Variants in ASB3 observed in about 807,000 individuals in gnomAD.
The protein encoded by ASB3 is ankyrin repeat and SOCS box protein 3.
ASB3 carries 41 observed loss-of-function variants against 54.5 expected under a neutral mutation model. The observed-to-expected ratio is 0.75, with a 90% CI of 0.59 to 0.98. ASB3 has a LOEUF of 0.98. Among genes scored for constraint, ASB3 ranks in the 50% least tolerant of loss-of-function variants. The probability of loss-of-function intolerance (pLI) is 0.00; values close to 1 mark genes in which losing one functional copy is unlikely to be tolerated. For synonymous variants in ASB3, 266 were observed against 221.2 expected, an observed-to-expected ratio of 1.20 and a Z score of -1.80; for missense variants, 733 against 620.0, an observed-to-expected ratio of 1.18 and a Z score of -1.94.
chr2:53,785,820 T>TG (rs1674943587), intron 1 of ASB3, among the ~76,000 whole-genome samples: 1 of 152,198 alleles, frequency 6.6e-6, no homozygotes, highest in Non-Finnish European at 1.5e-5. Flanking sequence ...CCAGCCTGGG[T>TG]GACAGAGCGA....
At chr2:53,673,693 G>C (rs1667938099) in intron 9 of ASB3, among the ~76,000 whole-genome samples, 1 of 152,120 alleles carries the variant, frequency 6.6e-6, no homozygotes. Context: ...TTTAAACTAT[G>C]ATAAGCTCAA....
intron 3 of ASB3, among the ~76,000 whole-genome samples, chr2:53,747,365 G>A (rs1281391991): frequency 2.6e-5 from 4 of 152,112 alleles, no homozygotes; most frequent in Non-Finnish European, 5.9e-5. Flanking sequence ...GGCCAACATG[G>A]TGAAACCCCA....
chr2:53,749,401 T>C (rs1672400530), intron 3 of ASB3, among the ~76,000 whole-genome samples: 2 of 152,104 alleles, frequency 1.3e-5, no homozygotes, highest in African/African-American at 4.8e-5. Flanking sequence ...TTCCAACTTG[T>C]TTCCCAAAGT....
intron 8 of ASB3, among the ~76,000 whole-genome samples, chr2:53,696,344 T>A (rs1006048272): frequency 6.6e-6 from 1 of 152,074 alleles, no homozygotes; most frequent in Admixed American, 6.6e-5. Context: ...ACACACCCAA[T>A]GGCTTATTGC....
At chr2:53,681,485 T>C (rs1414346525) in intron 9 of ASB3, among the ~76,000 whole-genome samples, 1 of 152,194 alleles carries the variant, frequency 6.6e-6, no homozygotes, top group Non-Finnish European at 1.5e-5. Flanking sequence ...TGTTTTCTTT[T>C]AGTAGTTAGA....
intron 2 of ASB3, among the ~76,000 whole-genome samples, chr2:53,764,484 A>G (rs1673324594): frequency 6.6e-6 from 1 of 152,218 alleles, no homozygotes; most frequent in African/African-American, 2.4e-5. Flanking sequence ...TATAAATATT[A>G]GATAAAGAAG....
chr2:53,747,940 T>C (rs1045407020), intron 3 of ASB3, among the ~76,000 whole-genome samples: 6 of 152,208 alleles, frequency 3.9e-5, no homozygotes, highest in Non-Finnish European at 8.8e-5. Flanking sequence ...AGGAAACCTT[T>C]TGTCAATAAA....
intron 7 of ASB3, among the ~76,000 whole-genome samples, chr2:53,706,558 G>A (rs1045212358): frequency 5.3e-5 from 8 of 151,840 alleles, no homozygotes; most frequent in South Asian, 4.2e-4. Flanking sequence ...CCATTCTACC[G>A]CTTCAGCCTC....
At chr2:53,690,393 AG>A (rs1234923407) in intron 9 of ASB3, among the ~76,000 whole-genome samples, 1 of 152,232 alleles carries the variant, frequency 6.6e-6, no homozygotes, top group African/African-American at 2.4e-5. Context: ...ACAGAAGTCT[AG>A]GTACCTGAAC....
At chr2:53,762,758 T>C (rs1406217306) in intron 2 of ASB3, among the ~76,000 whole-genome samples, 1 of 152,166 alleles carries the variant, frequency 6.6e-6, no homozygotes, top group Non-Finnish European at 1.5e-5. Context: ...GACAAGCAAA[T>C]TTGTTATCTG....
chr2:53,674,915 G>C (rs1319049522), intron 9 of ASB3, among the ~76,000 whole-genome samples: 1 of 152,168 alleles, frequency 6.6e-6, no homozygotes, highest in Middle Eastern at 3.4e-3. Context: ...AATAGGAATG[G>C]CCAGTATAAA....
chr2:53,686,611 G>C (rs1424836660), intron 9 of ASB3, among the ~76,000 whole-genome samples: 2 of 152,168 alleles, frequency 1.3e-5, no homozygotes, highest in Admixed American at 1.3e-4. Context: ...TATGTGGAAA[G>C]AGTGGGACGG....
At chr2:53,700,823 A>G (rs1351945990) in intron 7 of ASB3, among the ~76,000 whole-genome samples, 1 of 152,210 alleles carries the variant, frequency 6.6e-6, no homozygotes, top group Non-Finnish European at 1.5e-5. Context: ...TCAAATTGTG[A>G]TATTTTGTAC....
chr2:53,715,271 T>C (rs1287108634), intron 6 of ASB3, among the ~76,000 whole-genome samples: 3 of 152,272 alleles, frequency 2.0e-5, no homozygotes, highest in Admixed American at 6.5e-5. Context: ...AAAAGGACTA[T>C]TCTACCCTTC....
chr2:53,703,942 T>A (rs1295184919), intron 7 of ASB3, among the ~76,000 whole-genome samples: 7 of 152,170 alleles, frequency 4.6e-5, no homozygotes. Context: ...TCCCTAAAAA[T>A]TAGAATATCA....
At position 53,750,792 on chromosome 2, in the gene ASB3, A is replaced by G. The variant is rs775236787; in HGVS notation, c.346T>C (p.Leu116=). The change falls in exon 3 of 10, where the codon TTG becomes CTG. Residue 116 remains leucine (L), a synonymous_variant. Transcript: ENST00000263634. ...CAAATAGCATACTTACCTAAAAACAATGGTGTCGTTTCTTCTAAAGTAGTT... is the reference window on the plus strand; with the variant it reads ...CAAATAGCATACTTACCTAAAAACAGTGGTGTCGTTTCTTCTAAAGTAGTT... ...NATTLEETTP[L]FLAVENGQID... 8.3e-6 allele frequency: 13 copies of G among 1,559,890 alleles called. No individual in the cohort carries two copies. The East Asian group carries it at 2.7e-4, about 33-fold the overall frequency.
At chr2:53,699,926 T>C (rs980350560) in intron 8 of ASB3, among the ~76,000 whole-genome samples, 15 of 152,316 alleles carry the variant, frequency 9.8e-5, no homozygotes, top group South Asian at 2.1e-4. Flanking sequence ...GGCTGAGGGA[T>C]AGACAACAGA....
chr2:53,729,843 C>A (rs6714424), intron 3 of ASB3, among the ~76,000 whole-genome samples: 25,605 of 152,112 alleles, frequency 0.17, 2,336 homozygotes, highest in African/African-American at 0.25. Context: ...TGGAAACAGC[C>A]TAGCTCTAGT....
intron 9 of ASB3, among the ~76,000 whole-genome samples, chr2:53,681,466 T>C (rs1426559215): frequency 6.6e-6 from 1 of 152,148 alleles, no homozygotes; most frequent in African/African-American, 2.4e-5. Context: ...TACTAGAGAG[T>C]TTCCCCAATG....
Sources: gnomAD v4.1 joint callset for allele counts (sites outside exome capture counted in the v4.1 genomes callset) on GRCh38, gnomAD v4.1.1 for gene constraint, MANE v1.5 for transcripts, NCBI Gene and HGNC (gene_info 2026-07-23, HGNC 2026-07-21) for gene names.